The following CRLF1 variants were observed in gnomAD, a reference collection of about 807,000 sequenced individuals.
CRLF1 encodes the protein cytokine receptor like factor 1.
In CRLF1, 36 loss-of-function variants were observed where a neutral mutation model predicts 48.9. That is an observed-to-expected ratio of 0.74 (90% confidence interval 0.56 to 0.97). The LOEUF is 0.97. Among genes scored for constraint, CRLF1 ranks in the 50% least tolerant of loss-of-function variants. CRLF1 has a pLI of 0.00. For synonymous variants in CRLF1, 256 were observed against 253.4 expected (o/e 1.01, Z -0.10); for missense variants, 534 against 575.1 (o/e 0.93, Z 0.73).
At chr19:18,600,275 T>G (rs1004988621) in intron 1 of CRLF1, among the ~76,000 whole-genome samples, 1 of 152,078 alleles carries the variant, frequency 6.6e-6, no homozygotes, top group Non-Finnish European at 1.5e-5. Flanking sequence ...CTCGGCTCAC[T>G]GCAACCTCCG....
chr19:18,594,029 T>TTCGGGG (rs2145326052), intron 8 of CRLF1, 36 bp downstream of exon 8: 4 of 1,366,634 alleles, frequency 2.9e-6, no homozygotes, highest in Non-Finnish European at 3.0e-6. Context: ...GCCCTCCCCT[T>TTCGGGG]GCTCCCTCCC....
At chr19:18,594,030 G>GCGGGGGGCCCCCCCC in intron 8 of CRLF1, 35 bp downstream of exon 8, 5 of 1,315,310 alleles carry the variant, frequency 3.8e-6, no homozygotes, top group East Asian at 2.6e-5. Context: ...CCCTCCCCTT[G>GCGGGGGGCCCCCCCC]CTCCCTCCCG....
chr19:18,598,742 C>G lies in CRLF1; in HGVS notation c.527+30G>C, dbSNP rs531673576. Reference sequence around the variant, plus strand: ...TCAAGGTCACGCAGCCAGCCTGGGACACACACATCGCCCTCAGGCCACCAC... The same window carrying G: ...TCAAGGTCACGCAGCCAGCCTGGGAGACACACATCGCCCTCAGGCCACCAC... On this transcript the variant is annotated intron_variant, in intron 3 of 8. Coordinates refer to ENST00000392386, the MANE Select transcript of CRLF1 (RefSeq NM_004750.5). The G allele has an allele frequency of 3.1e-6, 5 of 1,614,078 alleles. No homozygotes were observed. The Admixed American group carries it at 5.0e-5, about 16-fold the overall frequency.
intron 1 of CRLF1, among the ~76,000 whole-genome samples, chr19:18,601,566 C>T (rs1052605931): frequency 1.8e-4 from 27 of 152,228 alleles, no homozygotes; most frequent in African/African-American, 6.3e-4. Context: ...TGAACCACCG[C>T]GCCCAGCCTG....
chr19:18,594,217 C>T (rs757892992), intron 7 of CRLF1, 30 bp downstream of exon 7: 2 of 1,612,262 alleles, frequency 1.2e-6, no homozygotes, highest in Admixed American at 1.7e-5. Flanking sequence ...CCTGTCCCCA[C>T]CCCCACGCCC....
In CRLF1 at chr19:18,599,750, G is replaced by A; in HGVS notation, c.212C>T (p.Ala71Val). The A allele has an allele frequency of 6.2e-7, 1 of 1,601,646 alleles. No individual in the cohort carries two copies. The highest frequency in any genetic ancestry group is 1.3e-5 in the African/African-American group (1 of 74,968). The stretch of plus-strand genomic sequence containing the variant: ...GTTGAGGGTCCAGTAGAGGCCCTCG[G>A]CGGTGGCTCCTGGTGGGTCTCCGTG... ...SVHGDPPGAT[A>V]EGLYWTLNGR... The change falls in exon 2 of 9, where the codon GCC becomes GTC. Residue 71 changes from alanine (A) to valine (V), a missense_variant. This residue lies in a region of CRLF1 where 528 missense variants were observed against 555.7 expected (regional missense o/e 0.95). Coordinates refer to ENST00000392386, the MANE Select transcript of CRLF1 (RefSeq NM_004750.5).
Position 18,594,380 on chromosome 19 carries a change from G to A in CRLF1, c.1079C>T (p.Ser360Leu), listed in dbSNP as rs1439804163. ...ACEPRGGEPS[S>L]GPVRRELKQF... ...CTTGAGCTCGCGCCGCACCGGCCCC[G>A]AGCTCGGCTCTCCGCCCCGCGGTTC... The change falls in exon 7 of 9, where the codon TCG becomes TTG. Residue 360 changes from serine to leucine, a missense_variant. By Grantham distance (145) the Ser-to-Leu change is moderately radical (BLOSUM62 -2). This residue lies in a region of CRLF1 where 528 missense variants were observed against 555.7 expected (regional missense o/e 0.95). Transcript: ENST00000392386. 11 of 1,601,962 alleles carry A rather than the reference G, an allele frequency of 6.9e-6. No homozygotes were observed. Among genetic ancestry groups the A allele is most frequent in the African/African-American group, 5.4e-5 (4 of 74,330 alleles).
In CRLF1 at chr19:18,599,648, C is replaced by T; in HGVS notation, c.314G>A (p.Gly105Glu). ...TLALALANLNGSRQRSGDNLV... is the reference protein window; with the variant it reads ...TLALALANLNESRQRSGDNLV... ...GTTGTCCCCCGACCGCTGCCTGGAC[C>T]CATTGAGGTTGGCCAGGGCCAGAGC... is the stretch of plus-strand genomic sequence containing the variant. Residue 105 changes from glycine (G) to glutamate (E), a missense_variant, in exon 2 of 9, where the codon GGG becomes GAG. Transcript: ENST00000392386. 1.9e-6 allele frequency: 3 copies of T among 1,613,528 alleles called. No homozygotes were observed. Among genetic ancestry groups the T allele is most frequent in the Non-Finnish European group, 2.5e-6 (3 of 1,179,952 alleles).
intron 6 of CRLF1, among the ~76,000 whole-genome samples, chr19:18,596,260 T>C (rs1162826624): frequency 6.6e-6 from 1 of 152,102 alleles, no homozygotes. Flanking sequence ...GGAAACAGGC[T>C]GGGCATGGTG....
In CRLF1 at chr19:18,598,515, G is replaced by A. The variant is rs768835014; in HGVS notation, c.614C>T (p.Thr205Met). 9 of 1,614,142 alleles carry A rather than the reference G, an allele frequency of 5.6e-6. No homozygotes were observed. The highest frequency in any genetic ancestry group is 2.2e-5 in the East Asian group (1 of 44,878). Residue 205 changes from threonine (T) to methionine (M), a missense_variant, in exon 4 of 9, where the codon ACG becomes ATG. Physicochemically the swap from Thr to Met is moderately conservative, Grantham distance 81. Coordinates refer to ENST00000392386, the MANE Select transcript of CRLF1 (RefSeq NM_004750.5). Reference sequence around the variant, plus strand: ...GGCCTCCACCCAGATCTCATAGGGCGTAAAGAGAGCCAGGTCCTTGGGGAT... The same window carrying A: ...GGCCTCCACCCAGATCTCATAGGGCATAAAGAGAGCCAGGTCCTTGGGGAT... ...CHIPKDLALF[T>M]PYEIWVEATN...
In CRLF1 at chr19:18,598,578, C is replaced by T; in HGVS notation, c.551G>A (p.Cys184Tyr). The T allele has an allele frequency of 6.2e-7, 1 of 1,614,046 alleles. No individual in the cohort carries two copies. Among genetic ancestry groups the T allele is most frequent in the Non-Finnish European group, 8.5e-7 (1 of 1,179,970 alleles). The change falls in exon 4 of 9, where the codon TGT (cysteine) becomes TAT (tyrosine). Residue 184 changes from cysteine to tyrosine, a missense_variant. Physicochemically the swap from Cys to Tyr is radical, Grantham distance 194 (BLOSUM62 -2). Coordinates refer to ENST00000392386, the MANE Select transcript of CRLF1 (RefSeq NM_004750.5). ...KLRWYGQDNT[C>Y]EEYHTVGPHS... ...GGGCCCCACTGTGTGGTACTCCTCA[C>T]ATGTGTTGTCCTGGCCATACCACCT... is the stretch of plus-strand genomic sequence containing the variant.
At chr19:18,599,107 GTTCT>G in intron 2 of CRLF1, 1 of 985,264 alleles carries the variant, frequency 1.0e-6, no homozygotes, top group South Asian at 4.7e-5. Context: ...CGATCTCCGG[GTTCT>G]TTTTCTTTTT....
chr19:18,597,200 C>G, intron 4 of CRLF1, 151 bp from the exon 5 acceptor site: 1 of 718,364 alleles, frequency 1.4e-6, no homozygotes, highest in Non-Finnish European at 2.2e-6. Context: ...GTGGATTACA[C>G]GATATATAAT....
intron 8 of CRLF1, 85 bp downstream of exon 8, chr19:18,593,980 G>A: frequency 6.6e-7 from 1 of 1,519,658 alleles, no homozygotes; most frequent in South Asian, 1.2e-5. Flanking sequence ...GGGTTGGGAG[G>A]CGTGGGGGTG....
At chr19:18,598,349 G>A (rs930074169) in intron 4 of CRLF1, 83 bp downstream of exon 4, 17 of 1,472,672 alleles carry the variant, frequency 1.2e-5, no homozygotes, top group African/African-American at 5.6e-5. Flanking sequence ...TAGGAAAAAT[G>A]AGAAGGTGCA....
rs1295104656 is a variant in CRLF1 at position 18,606,280 on chromosome 19, A to T, written c.115+262T>A. On this transcript the variant is annotated intron_variant, in intron 1 of 8. Transcript: ENST00000392386. This position sits in a 1 kb window ranked among gnomAD's most constrained non-coding sequence, Gnocchi z 4.8. ...GAGGGTCTCAGGCCGCGATCCCCCC[A>T]GCCCCCGGGGGCCTGGCCTGGCGCC... 6.6e-6 allele frequency among the ~76,000 whole-genome samples: 1 copy of T among 151,414 alleles called. No individual in the cohort carries two copies. The highest frequency in any genetic ancestry group is 1.5e-5 in the Non-Finnish European group (1 of 67,706).
Position 18,606,528 on chromosome 19 carries a change from C to T in CRLF1, c.115+14G>A, listed in dbSNP as rs1010622335. 3.5e-6 allele frequency: 4 copies of T among 1,156,366 alleles called. No homozygotes were observed. Among genetic ancestry groups the T allele is most frequent in the East Asian group, 4.0e-5 (1 of 25,182 alleles). The allele number at this position is 1,156,366 out of a possible 1,614,324, so 71.6% of individuals were successfully genotyped here. ...CTCTGGCAGGGGGGAAGGAGTGGGG[C>T]GCCGGGTACTCACGGGCTCCTGATC... On this transcript the variant is annotated intron_variant, in intron 1 of 8. Coordinates refer to ENST00000392386, the MANE Select transcript of CRLF1 (RefSeq NM_004750.5). The surrounding 1 kb of genome is among the most constrained non-coding windows in gnomAD (Gnocchi z 4.8).
chr19:18,594,287 C>T lies in CRLF1; in HGVS notation c.1172G>A (p.Trp391Ter). 1 of 1,612,724 alleles carries T rather than the reference C, an allele frequency of 6.2e-7. No homozygotes were observed. ...SNLSFRLYDQ[W>*]RAWMQKSHKT... ...GTGCGACTTCTGCATCCAGGCTCGC[C>T]ACTGGTCGTAGAGGCGGAAGCTGAG... Residue 391 changes from tryptophan (W) to a stop codon, truncating the protein, a stop_gained, in exon 7 of 9, where the codon TGG becomes TAG. Coordinates refer to ENST00000392386, the MANE Select transcript of CRLF1 (RefSeq NM_004750.5). LOFTEE classifies it high-confidence loss of function.
In CRLF1 at chr19:18,593,325, C is replaced by G. The variant is rs945901047; in HGVS notation, c.*241G>C. ...ATGACTCCCCTTCTCACCCCCAGCC[C>G]TGGCAGGGGTTCTAGGCAACTCAAC... On this transcript the variant is annotated 3_prime_UTR_variant, in exon 9 of 9. Transcript: ENST00000392386. 2 of 566,406 alleles carry G rather than the reference C, an allele frequency of 3.5e-6. No individual in the cohort carries two copies. Among genetic ancestry groups the G allele is most frequent in the Admixed American group, 3.1e-5 (1 of 32,308 alleles). 35.1% of individuals were successfully genotyped at this position (566,406 alleles called of 1,614,324 possible). A position where few individuals can be genotyped will look rare whatever the true frequency, so the allele number is the denominator to read the frequency against.
Sources: allele counts gnomAD v4.1 joint callset (sites outside exome capture counted in the v4.1 genomes callset), GRCh38; gene constraint gnomAD v4.1.1; regional missense constraint gnomAD v4.1.1; non-coding constraint Gnocchi (gnomAD v3.1); transcripts MANE v1.5; gene names NCBI Gene and HGNC (gene_info 2026-07-23, HGNC 2026-07-21).